The following SH3BGR variants were observed in gnomAD, a reference collection of about 807,000 sequenced individuals.
SH3BGR encodes SH3 domain-binding glutamic acid-rich protein.
A neutral mutation model predicts 24.5 loss-of-function variants in SH3BGR; 29 were observed. That is an observed-to-expected ratio of 1.18 (90% CI 0.88 to 1.61). The LOEUF is 1.61. SH3BGR is among the 40% of genes most tolerant of loss of function. The pLI is 0.00. For synonymous variants in SH3BGR, 55 were observed against 65.7 expected (o/e 0.84, Z 0.79); for missense variants, 162 against 205.8 (o/e 0.79, Z 1.30).
At chr21:39,490,739 A>ATT (rs55916184) in intron 3 of SH3BGR, among the ~76,000 whole-genome samples, 2 of 140,250 alleles carry the variant, frequency 1.4e-5, no homozygotes, top group Non-Finnish European at 3.1e-5. Context: ...GGTTTTGTGC[A>ATT]TTTTTTTTTT....
In SH3BGR at chr21:39,452,074, G is replaced by C; in HGVS notation, c.-23G>C. 2 of 1,614,122 alleles carry C rather than the reference G, an allele frequency of 1.2e-6. No individual in the cohort carries two copies. The highest frequency in any genetic ancestry group is 1.7e-6 in the Non-Finnish European group (2 of 1,179,982). On this transcript the variant is annotated 5_prime_UTR_variant, in exon 1 of 7. Coordinates refer to ENST00000333634, the MANE Select transcript of SH3BGR (RefSeq NM_007341.3). Reference sequence around the variant, plus strand: ...TTCCCTGACAGGGGTGTGTTGGGGGGAGTCCTCTTTCCAACTGTCGAAATG... The same window carrying C: ...TTCCCTGACAGGGGTGTGTTGGGGGCAGTCCTCTTTCCAACTGTCGAAATG...
chr21:39,449,205 A>G (rs1480823949), upstream of SH3BGR, among the ~76,000 whole-genome samples: 1 of 152,196 alleles, frequency 6.6e-6, no homozygotes, highest in Admixed American at 6.5e-5. Flanking sequence ...CTTGCTCAGT[A>G]TGTATGTAAG....
At chr21:39,498,748 A>T (rs1416940825) in intron 3 of SH3BGR, among the ~76,000 whole-genome samples, 1 of 151,072 alleles carries the variant, frequency 6.6e-6, no homozygotes, top group Non-Finnish European at 1.5e-5. Context: ...CTTGGTCCTA[A>T]TCTCTCTCTC....
chr21:39,471,667 G>A (rs2077943726), intron 2 of SH3BGR, among the ~76,000 whole-genome samples: 1 of 151,750 alleles, frequency 6.6e-6, no homozygotes, highest in South Asian at 2.1e-4. Context: ...TTGCTATGTT[G>A]CCCAGGCTGG....
chr21:39,473,326 T>G lies in SH3BGR; in HGVS notation c.232-1809T>G, dbSNP rs142136196. Among the ~76,000 whole-genome samples, 1,453 of 152,284 alleles carry G rather than the reference T, an allele frequency of 9.5e-3. 6 individuals carry two copies. Among genetic ancestry groups the G allele is most frequent in the Non-Finnish European group, 0.015 (1,009 of 68,016 alleles). ...GGAATTTCTGGGAAATAGCATAGAT[T>G]TACTTTATTACATTTCACCAACTTA... On this transcript the variant is annotated intron_variant, in intron 2 of 6. Transcript: ENST00000333634.
intron 1 of SH3BGR, among the ~76,000 whole-genome samples, chr21:39,453,936 GCTA>G (rs1243675779): frequency 6.6e-6 from 1 of 152,118 alleles, no homozygotes. Context: ...AATATTAGTT[GCTA>G]CTATAATTGT....
intron 4 of SH3BGR, among the ~76,000 whole-genome samples, chr21:39,507,459 A>G (rs139181165): frequency 0.086 from 13,030 of 151,900 alleles, 805 homozygotes; most frequent in African/African-American, 0.17. Flanking sequence ...TCAGCCTCCC[A>G]AGTAGCTGGG....
chr21:39,479,592 T>G (rs1245657073), intron 3 of SH3BGR, among the ~76,000 whole-genome samples: 1 of 152,086 alleles, frequency 6.6e-6, no homozygotes, highest in Admixed American at 6.5e-5. Flanking sequence ...AATGTGAACT[T>G]CTTATATAGA....
intron 2 of SH3BGR, among the ~76,000 whole-genome samples, chr21:39,465,159 C>CA (rs1292080236): frequency 2.6e-5 from 4 of 152,040 alleles, no homozygotes; most frequent in Non-Finnish European, 5.9e-5. Flanking sequence ...CCTGGCCTCC[C>CA]AAAGTATTGG....
chr21:39,489,922 A>C (rs1417683214), intron 3 of SH3BGR, among the ~76,000 whole-genome samples: 1 of 152,212 alleles, frequency 6.6e-6, no homozygotes, highest in Non-Finnish European at 1.5e-5. Context: ...ATCACTAGTG[A>C]GTTCATCACT....
At chr21:39,471,850 G>A (rs187180239) in intron 2 of SH3BGR, among the ~76,000 whole-genome samples, 7 of 152,156 alleles carry the variant, frequency 4.6e-5, no homozygotes, top group East Asian at 3.9e-4. Context: ...TTACAATTCC[G>A]CTATTATATC....
At chr21:39,475,774 A>G (rs2078018322) in intron 3 of SH3BGR, among the ~76,000 whole-genome samples, 1 of 152,184 alleles carries the variant, frequency 6.6e-6, no homozygotes, top group Non-Finnish European at 1.5e-5. Flanking sequence ...TATGCTAATA[A>G]AGCAGGAACC....
At chr21:39,450,975 G>C (rs1473373558), upstream of SH3BGR, among the ~76,000 whole-genome samples, 1 of 151,842 alleles carries the variant, frequency 6.6e-6, no homozygotes, top group African/African-American at 2.4e-5. Flanking sequence ...AACATGCCTG[G>C]CTGTTTTTTT....
chr21:39,455,327 C>T (rs2077637397), intron 1 of SH3BGR, among the ~76,000 whole-genome samples: 2 of 152,346 alleles, frequency 1.3e-5, no homozygotes, highest in African/African-American at 4.8e-5. Flanking sequence ...ACCCCAAATA[C>T]CCCCAGATCC....
intron 3 of SH3BGR, among the ~76,000 whole-genome samples, chr21:39,475,835 C>T (rs561679189): frequency 3.7e-4 from 57 of 152,220 alleles, no homozygotes; most frequent in Non-Finnish European, 3.7e-4. Context: ...CTAAGACTTG[C>T]TGATGGATTG....
At chr21:39,451,245 G>GT (rs898904415), upstream of SH3BGR, among the ~76,000 whole-genome samples, 1 of 152,124 alleles carries the variant, frequency 6.6e-6, no homozygotes, top group African/African-American at 2.4e-5. Flanking sequence ...GATTATTTTG[G>GT]TTTTTTCCCC....
At chr21:39,484,756 G>T (rs949165422) in intron 3 of SH3BGR, among the ~76,000 whole-genome samples, 1 of 152,172 alleles carries the variant, frequency 6.6e-6, no homozygotes. Flanking sequence ...AGTACAGTTC[G>T]TGCTAGAGCC....
chr21:39,452,423 A>G (rs536584159), intron 1 of SH3BGR, among the ~76,000 whole-genome samples: 5 of 152,224 alleles, frequency 3.3e-5, no homozygotes, highest in Non-Finnish European at 1.5e-5. Flanking sequence ...CCTTGTGAAT[A>G]TCATAGAAGC....
rs374454603 is a variant in SH3BGR at position 39,512,159 on chromosome 21, T to C, written c.*34+350T>C. Among the ~76,000 whole-genome samples the C allele has an allele frequency of 7.9e-5, 12 of 152,342 alleles. No individual in the cohort carries two copies. The East Asian group carries it at 1.2e-3, about 15-fold the overall frequency. On this transcript the variant is annotated intron_variant, in intron 6 of 6. Transcript: ENST00000333634. ...TTGAGAGAAGATACAGCAAGTGTCC[T>C]TTTATCAGCATTCTGTAACCTCAAC...
Sources: gnomAD v4.1 joint callset for allele counts (sites outside exome capture counted in the v4.1 genomes callset) on GRCh38, gnomAD v4.1.1 for gene constraint, MANE v1.5 for transcripts, NCBI Gene and HGNC (gene_info 2026-07-23, HGNC 2026-07-21) for gene names.